The following GLYR1 variants were observed in gnomAD, a reference collection of about 807,000 sequenced individuals.
The protein encoded by GLYR1 is glyoxylate reductase 1 homolog.
Under a neutral mutation model 72.7 loss-of-function variants are expected in GLYR1, and 21 were observed. That is an observed-to-expected ratio of 0.29 (90% CI 0.20 to 0.42). GLYR1 has a LOEUF of 0.42. Ranked by LOEUF, GLYR1 falls within the 10% of genes least tolerant of loss-of-function variation. The probability of loss-of-function intolerance (pLI) is 1.00; values close to 1 mark genes in which losing one functional copy is unlikely to be tolerated. For missense variants in GLYR1, 594 were observed against 712.1 expected (o/e 0.83, Z 1.89); for synonymous variants, 392 against 270.2 (o/e 1.45, Z -4.42).
At chr16:4,812,426 G>T (rs553351893) in intron 12 of GLYR1, among the ~76,000 whole-genome samples, 178 bp from the exon 13 acceptor site, 1 of 152,220 alleles carries the variant, frequency 6.6e-6, no homozygotes, top group South Asian at 2.1e-4. Context: ...ACCATGTGCA[G>T]GTCACACAGG....
Position 4,803,456 on chromosome 16 carries a change from AT to A in GLYR1, c.*1779del, listed in dbSNP as rs2082801463. On this transcript the variant is annotated 3_prime_UTR_variant, in exon 16 of 16. Coordinates refer to ENST00000321919, the MANE Select transcript of GLYR1 (RefSeq NM_032569.4). ...CACATTTTCTCCTTAAAAGGGAAGGATTTCAAAAGAAAGGTGAAATAGCTTA... is the reference window on the plus strand; with the variant it reads ...CACATTTTCTCCTTAAAAGGGAAGGATTCAAAAGAAAGGTGAAATAGCTTA... 6.5e-6 allele frequency: 1 copy of A among 152,692 alleles called. No individual in the cohort carries two copies. The highest frequency in any genetic ancestry group is 2.4e-5 in the African/African-American group (1 of 41,464). 9.5% of individuals were successfully genotyped at this position (152,692 alleles called of 1,614,324 possible). A position where few individuals can be genotyped will look rare whatever the true frequency, so the allele number is the denominator to read the frequency against.
chr16:4,831,835 G>A (rs1463660457), intron 5 of GLYR1, 144 bp downstream of exon 5: 3 of 1,224,744 alleles, frequency 2.4e-6, no homozygotes, highest in African/African-American at 1.5e-5. Context: ...CACCTGCCCT[G>A]CAGGATTCTT....
chr16:4,813,399 G>A (rs1209197861), intron 12 of GLYR1, among the ~76,000 whole-genome samples: 1 of 152,168 alleles, frequency 6.6e-6, no homozygotes, highest in Non-Finnish European at 1.5e-5. Context: ...CCTTATTTGG[G>A]CCAGATGCTC....
In GLYR1 at chr16:4,803,322, T is replaced by C. The variant is rs908882497; in HGVS notation, c.*1914A>G. ...TCCTATTCTGAAAGACAAATGTTCA[T>C]TAAAAACAAAGCAAAAATAAAAATT... On this transcript the variant is annotated 3_prime_UTR_variant, in exon 16 of 16. Coordinates refer to ENST00000321919, the MANE Select transcript of GLYR1 (RefSeq NM_032569.4). 2.6e-5 allele frequency: 4 copies of C among 152,688 alleles called. No homozygotes were observed. The highest frequency in any genetic ancestry group is 7.2e-5 in the African/African-American group (3 of 41,476). The allele number at this position is 152,688 out of a possible 1,614,324, so 9.5% of individuals were successfully genotyped here.
intron 3 of GLYR1, 80 bp downstream of exon 3, chr16:4,844,994 T>C: frequency 3.3e-6 from 3 of 912,902 alleles, no homozygotes; most frequent in East Asian, 2.4e-5. Flanking sequence ...TAAGGATCCT[T>C]AGAATATTTT....
intron 3 of GLYR1, chr16:4,839,913 A>C (rs1291341906): frequency 6.6e-6 from 1 of 152,202 alleles, no homozygotes; most frequent in Non-Finnish European, 1.5e-5. Context: ...TGTATTTCTC[A>C]GGAACGGAGG....
At chr16:4,816,357 G>A (rs1456852684) in intron 10 of GLYR1, among the ~76,000 whole-genome samples, 3 of 151,918 alleles carry the variant, frequency 2.0e-5, no homozygotes, top group Admixed American at 2.0e-4. Context: ...TGTCCAGGCT[G>A]GTCTCAAATT....
At chr16:4,843,498 T>C in intron 3 of GLYR1, 1 of 1,279,384 alleles carries the variant, frequency 7.8e-7, no homozygotes. Flanking sequence ...ACATTCCCTC[T>C]TCCAGAAGCT....
intron 12 of GLYR1, 122 bp from the exon 13 acceptor site, chr16:4,812,370 C>A: frequency 9.7e-7 from 1 of 1,031,362 alleles, no homozygotes; most frequent in African/African-American, 1.6e-5. Context: ...GAGGGGACGG[C>A]CACCCATACC....
chr16:4,820,232 G>A (rs564038408), intron 9 of GLYR1, among the ~76,000 whole-genome samples: 78 of 152,218 alleles, frequency 5.1e-4, no homozygotes, highest in African/African-American at 1.9e-3. Context: ...CAGGTAATCC[G>A]CCCACCTTGG....
intron 15 of GLYR1, among the ~76,000 whole-genome samples, chr16:4,807,954 G>C (rs891057225): frequency 6.6e-6 from 1 of 152,152 alleles, no homozygotes; most frequent in Non-Finnish European, 1.5e-5. Context: ...TTAGGAACAA[G>C]GCTGCATGCG....
At chr16:4,838,779 G>C (rs564720833) in intron 3 of GLYR1, among the ~76,000 whole-genome samples, 1 of 152,134 alleles carries the variant, frequency 6.6e-6, no homozygotes, top group African/African-American at 2.4e-5. Flanking sequence ...AGGAGAGACG[G>C]GGTTTCACCA....
At chr16:4,806,424 A>G (rs2082977078) in intron 15 of GLYR1, among the ~76,000 whole-genome samples, 2 of 149,460 alleles carry the variant, frequency 1.3e-5, no homozygotes, top group Admixed American at 6.7e-5. Flanking sequence ...TGGTAGGATC[A>G]TGGCTCATTG....
intron 5 of GLYR1, among the ~76,000 whole-genome samples, chr16:4,829,011 T>A (rs886365985): frequency 2.0e-5 from 3 of 152,172 alleles, no homozygotes; most frequent in Admixed American, 6.5e-5. Context: ...GGAAATAAAC[T>A]CAGAAGTCAC....
chr16:4,815,991 G>A (rs1013399491), intron 10 of GLYR1, among the ~76,000 whole-genome samples: 1 of 151,852 alleles, frequency 6.6e-6, no homozygotes, highest in Non-Finnish European at 1.5e-5. Context: ...CCGAGGTCTC[G>A]ATCTCCTGAC....
chr16:4,837,929 CAAAAAATAAATAAATA>C (rs995578860), intron 3 of GLYR1, among the ~76,000 whole-genome samples: 21 of 133,478 alleles, frequency 1.6e-4, no homozygotes, highest in African/African-American at 5.9e-4. Flanking sequence ...GACTCCATCT[CAAAAAATAAATAAATA>C]AATAAATAAA....
At chr16:4,830,651 G>A (rs2084737137) in intron 5 of GLYR1, among the ~76,000 whole-genome samples, 1 of 152,158 alleles carries the variant, frequency 6.6e-6, no homozygotes. Flanking sequence ...CAGCCATCTG[G>A]CTTCTGTTCT....
intron 12 of GLYR1, among the ~76,000 whole-genome samples, chr16:4,813,409 C>A (rs764150726): frequency 6.6e-6 from 1 of 152,170 alleles, no homozygotes; most frequent in Non-Finnish European, 1.5e-5. Flanking sequence ...GCCAGATGCT[C>A]GGGGAGGAGG....
intron 12 of GLYR1, 90 bp downstream of exon 12, chr16:4,813,647 T>C: frequency 8.9e-7 from 1 of 1,128,642 alleles, no homozygotes; most frequent in Non-Finnish European, 1.3e-6. Flanking sequence ...GCTTTGGCTC[T>C]AGAGTAACTT....
Sources: gnomAD v4.1 joint callset for allele counts (sites outside exome capture counted in the v4.1 genomes callset) on GRCh38, gnomAD v4.1.1 for gene constraint, MANE v1.5 for transcripts, NCBI Gene and HGNC (gene_info 2026-07-23, HGNC 2026-07-21) for gene names.